The following B3GALT1 variants were observed in gnomAD, a reference collection of about 807,000 sequenced individuals.
B3GALT1 encodes UDP-Gal:betaGlcNAc beta 1,3-galactosyltransferase, polypeptide 1.
Under a neutral mutation model 23.2 loss-of-function variants are expected in B3GALT1, and 10 were observed. The observed-to-expected ratio is 0.43, with a 90% confidence interval of 0.27 to 0.73. The LOEUF is 0.73. Ranked by LOEUF, B3GALT1 falls within the 30% of genes least tolerant of loss-of-function variation. The pLI is 0.21. For synonymous variants in B3GALT1, 156 were observed against 141.5 expected, an observed-to-expected ratio of 1.10 and a Z score of -0.73; for missense variants, 299 against 405.4, an observed-to-expected ratio of 0.74 and a Z score of 2.25.
intron 2 of B3GALT1, among the ~76,000 whole-genome samples, chr2:167,550,413 A>G (rs1303318060): frequency 6.6e-6 from 1 of 152,192 alleles, no homozygotes; most frequent in Non-Finnish European, 1.5e-5. Flanking sequence ...GCAAAAAACA[A>G]ACTCCACATG....
chr2:167,659,687 C>G (rs141338014), intron 3 of B3GALT1, among the ~76,000 whole-genome samples: 1 of 152,012 alleles, frequency 6.6e-6, no homozygotes, highest in Non-Finnish European at 1.5e-5. Flanking sequence ...TTTAGCCACT[C>G]CAGTTGTAAA....
Position 167,659,653 on chromosome 2 carries a change from G to A in B3GALT1, c.-352+12687G>A, listed in dbSNP as rs182729760. Among the ~76,000 whole-genome samples the A allele has an allele frequency of 5.1e-3, 774 of 152,122 alleles. 7 individuals are homozygous for A. The highest frequency in any genetic ancestry group is 8.2e-3 in the Non-Finnish European group (559 of 67,966). ...GTCTTCATGCTTCATGATAAAGCCA[G>A]AGAAACATTTGTAAAGAGACCATTT... On this transcript the variant is annotated intron_variant, in intron 3 of 4. Coordinates refer to ENST00000392690, the MANE Select transcript of B3GALT1 (RefSeq NM_020981.4).
intron 1 of B3GALT1, among the ~76,000 whole-genome samples, chr2:167,445,730 A>G (rs1698974458): frequency 6.6e-6 from 1 of 152,094 alleles, no homozygotes; most frequent in South Asian, 2.1e-4. Context: ...ATCTGCCTCC[A>G]TCCCTTTCTT....
At chr2:167,680,093 C>T (rs1309242623) in intron 3 of B3GALT1, among the ~76,000 whole-genome samples, 2 of 152,144 alleles carry the variant, frequency 1.3e-5, no homozygotes, top group Non-Finnish European at 2.9e-5. Context: ...TTTCTAAATG[C>T]TAATTGCTTT....
chr2:167,534,264 C>T (rs1480927654), intron 2 of B3GALT1, among the ~76,000 whole-genome samples: 1 of 152,074 alleles, frequency 6.6e-6, no homozygotes, highest in Non-Finnish European at 1.5e-5. Context: ...GTAGGTTGGA[C>T]CTGCATATTC....
chr2:167,431,481 A>C (rs73972271), intron 1 of B3GALT1, among the ~76,000 whole-genome samples: 19,727 of 152,212 alleles, frequency 0.13, 1,542 homozygotes, highest in East Asian at 0.36. Context: ...ATAAGATGTC[A>C]TGTTTAAATG....
chr2:167,731,867 C>T (rs1434138920), intron 3 of B3GALT1, among the ~76,000 whole-genome samples: 1 of 152,138 alleles, frequency 6.6e-6, no homozygotes, highest in East Asian at 1.9e-4. Flanking sequence ...TTCCAGACCC[C>T]TCTTTCCCCA....
At chr2:167,512,629 TATATATA>T (rs2105355772) in intron 2 of B3GALT1, among the ~76,000 whole-genome samples, 1 of 101,608 alleles carries the variant, frequency 9.8e-6, no homozygotes, top group African/African-American at 4.4e-5. Flanking sequence ...TACGTGTATA[TATATATA>T]CATATATATA....
intron 2 of B3GALT1, among the ~76,000 whole-genome samples, chr2:167,643,286 CTT>C (rs545347449): frequency 1.4e-3 from 220 of 152,292 alleles, no homozygotes; most frequent in African/African-American, 4.6e-3. Context: ...GATATTATCT[CTT>C]TGTGTATATG....
intron 4 of B3GALT1, among the ~76,000 whole-genome samples, chr2:167,863,248 C>G (rs1690140454): frequency 6.6e-6 from 1 of 151,868 alleles, no homozygotes. Context: ...AAAACCTGTA[C>G]TCACGAAGCT....
intron 1 of B3GALT1, among the ~76,000 whole-genome samples, chr2:167,385,707 C>G (rs946114422): frequency 2.0e-5 from 3 of 152,200 alleles, no homozygotes; most frequent in Non-Finnish European, 2.9e-5. Flanking sequence ...AGCATAACTT[C>G]AGAGATGCTG....
chr2:167,550,838 T>G (rs1683731252), intron 2 of B3GALT1, among the ~76,000 whole-genome samples: 1 of 152,188 alleles, frequency 6.6e-6, no homozygotes, highest in African/African-American at 2.4e-5. Context: ...GTGCATTAAG[T>G]AGGGTAGGCC....
At chr2:167,849,179 G>C (rs1689820946) in intron 4 of B3GALT1, among the ~76,000 whole-genome samples, 1 of 151,990 alleles carries the variant, frequency 6.6e-6, no homozygotes, top group Non-Finnish European at 1.5e-5. Context: ...AAATTCAATA[G>C]AATCCCCATC....
chr2:167,422,223 G>A (rs946544980), intron 1 of B3GALT1, among the ~76,000 whole-genome samples: 2 of 120,720 alleles, frequency 1.7e-5, no homozygotes, highest in Non-Finnish European at 3.4e-5. Flanking sequence ...TCTCTCCCCC[G>A]CCCGCCCTTC....
intron 1 of B3GALT1, among the ~76,000 whole-genome samples, chr2:167,337,350 C>A (rs932370513): frequency 1.4e-5 from 2 of 146,590 alleles, no homozygotes; most frequent in Admixed American, 6.7e-5. Context: ...AATGCGTGCT[C>A]ACACACACAC....
intron 1 of B3GALT1, among the ~76,000 whole-genome samples, chr2:167,464,437 G>A (rs2105327353): frequency 6.6e-6 from 1 of 152,236 alleles, no homozygotes; most frequent in African/African-American, 2.4e-5. Flanking sequence ...TTGATCAACT[G>A]AAAGTTTCAT....
At chr2:167,687,264 A>C (rs1686632189) in intron 3 of B3GALT1, among the ~76,000 whole-genome samples, 1 of 152,204 alleles carries the variant, frequency 6.6e-6, no homozygotes, top group Admixed American at 6.5e-5. Context: ...AGAGAACTTG[A>C]GGACTTATCA....
chr2:167,590,542 G>A (rs1684662248), intron 2 of B3GALT1, among the ~76,000 whole-genome samples: 1 of 151,134 alleles, frequency 6.6e-6, no homozygotes, highest in African/African-American at 2.4e-5. Flanking sequence ...CCCAAGGGGG[G>A]AAAAAAAAGA....
intron 1 of B3GALT1, among the ~76,000 whole-genome samples, chr2:167,408,229 A>C (rs1272723224): frequency 6.6e-6 from 1 of 152,240 alleles, no homozygotes; most frequent in Non-Finnish European, 1.5e-5. Context: ...TACACAAATC[A>C]ATAAATGCAA....
Sources: allele counts gnomAD v4.1 joint callset (sites outside exome capture counted in the v4.1 genomes callset), GRCh38; gene constraint gnomAD v4.1.1; transcripts MANE v1.5; gene names NCBI Gene and HGNC (gene_info 2026-07-23, HGNC 2026-07-21).